The following OOSP1 variants were observed in gnomAD, a reference collection of about 807,000 sequenced individuals.
The protein encoded by OOSP1 is oocyte secreted protein 1.
Under a neutral mutation model 5.7 loss-of-function variants are expected in OOSP1, and 11 were observed. That is an observed-to-expected ratio of 1.94 (90% CI 1.22 to 3.20). OOSP1 has a LOEUF of 3.20. Among genes scored for constraint, OOSP1 ranks in the 30% most tolerant of loss-of-function variants. OOSP1 has a pLI of 0.00. For missense variants in OOSP1, 83 were observed against 54.1 expected (o/e 1.53, Z -1.67); for synonymous variants, 44 against 20.0 (o/e 2.20, Z -3.20).
intron 4 of OOSP1, 132 bp from the exon 5 acceptor site, chr11:59,957,063 C>T (rs867130069): frequency 1.7e-4 from 66 of 385,882 alleles, no homozygotes; most frequent in African/African-American, 1.3e-3. Context: ...ATTTTAAAAA[C>T]AAATATGCCT....
chr11:59,950,529 AG>A (rs1853929463), intron 4 of OOSP1, among the ~76,000 whole-genome samples: 1 of 152,184 alleles, frequency 6.6e-6, no homozygotes, highest in South Asian at 2.1e-4. Context: ...GAAGACAGTA[AG>A]GTCAATTGGA....
chr11:59,946,525 C>T (rs1853885442), intron 3 of OOSP1, among the ~76,000 whole-genome samples: 1 of 152,140 alleles, frequency 6.6e-6, no homozygotes, highest in African/African-American at 2.4e-5. Context: ...AAAGTTGTTA[C>T]AACTGTCCCC....
At chr11:59,939,195 G>T (rs1055137672) in intron 1 of OOSP1, among the ~76,000 whole-genome samples, 9 of 139,000 alleles carry the variant, frequency 6.5e-5, no homozygotes, top group East Asian at 2.1e-4. Flanking sequence ...TTTCTCCCTC[G>T]TTCCCTCCTC....
At chr11:59,945,233 G>T in exon 3 of OOSP1, 1 of 702,946 alleles carries the variant, frequency 1.4e-6, no homozygotes, top group East Asian at 2.7e-5. Context: ...TCTACTGTCC[G>T]ATCTGAAATG....
chr11:59,943,935 G>A (rs941286229), intron 2 of OOSP1, among the ~76,000 whole-genome samples: 5 of 152,194 alleles, frequency 3.3e-5, no homozygotes, highest in African/African-American at 1.2e-4. Flanking sequence ...ACTTGATCAG[G>A]TTTAGATAAA....
At chr11:59,951,199 C>A (rs1410738315) in intron 4 of OOSP1, among the ~76,000 whole-genome samples, 1 of 151,528 alleles carries the variant, frequency 6.6e-6, no homozygotes, top group African/African-American at 2.4e-5. Flanking sequence ...GGTGGGGTAA[C>A]CTCGTATTGC....
chr11:59,954,851 G>A (rs1261323630), intron 4 of OOSP1, among the ~76,000 whole-genome samples: 1 of 151,952 alleles, frequency 6.6e-6, no homozygotes, highest in East Asian at 1.9e-4. Flanking sequence ...AAATTCTGAA[G>A]CCCAATTTAG....
chr11:59,951,026 TA>T (rs1853934549), intron 4 of OOSP1, among the ~76,000 whole-genome samples: 1 of 151,906 alleles, frequency 6.6e-6, no homozygotes, highest in African/African-American at 2.4e-5. Flanking sequence ...CATATGATAG[TA>T]AAAAGTCCCA....
chr11:59,947,383 C>T (rs186374255), intron 3 of OOSP1, among the ~76,000 whole-genome samples: 279 of 152,182 alleles, frequency 1.8e-3, no homozygotes, highest in Non-Finnish European at 2.8e-3. Flanking sequence ...TCAGTCTCCA[C>T]GTAGCTGGGA....
At chr11:59,942,128 G>A (rs898007286) in intron 1 of OOSP1, among the ~76,000 whole-genome samples, 1 of 152,050 alleles carries the variant, frequency 6.6e-6, no homozygotes, top group Non-Finnish European at 1.5e-5. Context: ...TTTTCCTTTA[G>A]TGAAGTCTAG....
At chr11:59,946,787 G>C (rs569878856) in intron 3 of OOSP1, among the ~76,000 whole-genome samples, 8 of 151,296 alleles carry the variant, frequency 5.3e-5, no homozygotes, top group South Asian at 4.2e-4. Flanking sequence ...TGTTGGGAGA[G>C]AGACATCTTA....
chr11:59,943,805 GAT>G (rs1324094853), intron 2 of OOSP1, among the ~76,000 whole-genome samples: 1 of 152,136 alleles, frequency 6.6e-6, no homozygotes, highest in Non-Finnish European at 1.5e-5. Context: ...GCATATCACT[GAT>G]AAAAGTATAA....
At chr11:59,944,773 A>G (rs1853864984) in intron 2 of OOSP1, among the ~76,000 whole-genome samples, 1 of 152,178 alleles carries the variant, frequency 6.6e-6, no homozygotes, top group Non-Finnish European at 1.5e-5. Context: ...ACGGTTTCCA[A>G]GGATTCATGA....
exon 2 of OOSP1, chr11:59,942,916 A>G (rs765608039): frequency 7.1e-6 from 5 of 702,782 alleles, no homozygotes; most frequent in South Asian, 3.0e-5. Flanking sequence ...TACAATTTGT[A>G]TGTGAACCCC....
exon 5 of OOSP1, chr11:59,957,449 A>G (rs543953955): frequency 4.6e-5 from 17 of 371,896 alleles, no homozygotes; most frequent in African/African-American, 2.8e-4. Context: ...TGGATCTTCA[A>G]CCACCTATTT....
chr11:59,947,002 T>TA (rs754689852), intron 3 of OOSP1, among the ~76,000 whole-genome samples: 2 of 151,902 alleles, frequency 1.3e-5, no homozygotes, highest in Non-Finnish European at 1.5e-5. Flanking sequence ...AAACTAAAAA[T>TA]AAAAAAATTT....
chr11:59,946,355 C>T lies in OOSP1; in HGVS notation c.356+1089C>T, dbSNP rs537175353. On this transcript the variant is annotated intron_variant, in intron 3 of 4. Transcript: ENST00000646685. ...ACAAAATTGGCCCCTGGTGCCAAAA[C>T]GTTTGGGGACTGCCGTGCTAAACCA... 5.9e-5 allele frequency among the ~76,000 whole-genome samples: 9 copies of T among 152,326 alleles called. No individual in the cohort carries two copies. The South Asian group carries it at 1.0e-3, about 18-fold the overall frequency.
chr11:59,942,215 G>T (rs1052822965), intron 1 of OOSP1, among the ~76,000 whole-genome samples: 1 of 152,084 alleles, frequency 6.6e-6, no homozygotes, highest in African/African-American at 2.4e-5. Context: ...TTTCTAGTTT[G>T]ATCTAATTCT....
chr11:59,944,127 G>A (rs1201534723), intron 2 of OOSP1, among the ~76,000 whole-genome samples: 1 of 152,176 alleles, frequency 6.6e-6, no homozygotes, highest in Admixed American at 6.5e-5. Context: ...TTCCTGCTGG[G>A]TAGGTGATCA....
Sources: allele counts gnomAD v4.1 joint callset (sites outside exome capture counted in the v4.1 genomes callset), GRCh38; gene constraint gnomAD v4.1.1; transcripts MANE v1.5; gene names NCBI Gene and HGNC (gene_info 2026-07-23, HGNC 2026-07-21).